Variants in ZFYVE9 observed in about 807,000 individuals in gnomAD.
ZFYVE9 encodes zinc finger FYVE domain-containing protein 9.
In ZFYVE9, 43 loss-of-function variants were observed where a neutral mutation model predicts 126.7. The observed-to-expected ratio is 0.34, with a 90% CI of 0.27 to 0.44. The LOEUF is 0.44. Among genes scored for constraint, ZFYVE9 ranks in the 20% least tolerant of loss-of-function variants. The probability of loss-of-function intolerance (pLI) is 1.00; values close to 1 mark genes in which losing one functional copy is unlikely to be tolerated. For missense variants in ZFYVE9, 1,476 were observed against 1,697.0 expected, an observed-to-expected ratio of 0.87 and a Z score of 2.29; for synonymous variants, 521 against 597.4, an observed-to-expected ratio of 0.87 and a Z score of 1.87.
chr1:52,281,318 A>G (rs1293292701), intron 9 of ZFYVE9, among the ~76,000 whole-genome samples: 2 of 151,918 alleles, frequency 1.3e-5, no homozygotes, highest in South Asian at 2.1e-4. Flanking sequence ...TATTTTTAGT[A>G]GAGACGGGGT....
At chr1:52,176,943 C>T (rs1264511458) in intron 1 of ZFYVE9, among the ~76,000 whole-genome samples, 1 of 152,186 alleles carries the variant, frequency 6.6e-6, no homozygotes, top group Non-Finnish European at 1.5e-5. Context: ...CCTTGCGCTT[C>T]CCGAGTGAGG....
intron 1 of ZFYVE9, among the ~76,000 whole-genome samples, chr1:52,214,094 G>A (rs1263956821): frequency 2.0e-5 from 3 of 152,148 alleles, no homozygotes; most frequent in Non-Finnish European, 4.4e-5. Context: ...ATCAGGAGGG[G>A]ATGAGGTGCA....
chr1:52,302,384 A>G (rs981323597), intron 12 of ZFYVE9, among the ~76,000 whole-genome samples: 1 of 152,226 alleles, frequency 6.6e-6, no homozygotes, highest in Non-Finnish European at 1.5e-5. Context: ...ATTTAGAATC[A>G]TCTTTAACTT....
chr1:52,265,704 C>T (rs762412361), intron 5 of ZFYVE9, among the ~76,000 whole-genome samples: 2 of 152,094 alleles, frequency 1.3e-5, no homozygotes, highest in African/African-American at 2.4e-5. Flanking sequence ...ATGGTTGTTA[C>T]TGATGGATAG....
intron 2 of ZFYVE9, among the ~76,000 whole-genome samples, chr1:52,221,205 C>T (rs151333320): frequency 7.9e-5 from 12 of 152,296 alleles, no homozygotes; most frequent in African/African-American, 2.2e-4. Context: ...CTGACTCTAC[C>T]TCTGTGAGGA....
In ZFYVE9 at chr1:52,239,332, A is replaced by G. The variant is rs11809887; in HGVS notation, c.1915A>G (p.Ile639Val). ...TGTATGCAGTCCATCTTTGGGAAACATCTCTAATGTCGATACAAATGGGGA... is the reference window on the plus strand; with the variant it reads ...TGTATGCAGTCCATCTTTGGGAAACGTCTCTAATGTCGATACAAATGGGGA... ...TNVCSPSLGN[I>V]SNVDTNGEHL... is the part of the protein sequence containing the mutation. The change falls in exon 4 of 19, where the codon ATC (isoleucine) becomes GTC (valine). Residue 639 changes from isoleucine to valine, a missense_variant. Around this residue, in one of 2 missense-constraint regions of ZFYVE9, gnomAD observed 807 missense variants for 794.6 expected, o/e 1.02. Coordinates refer to ENST00000287727, the MANE Select transcript of ZFYVE9 (RefSeq NM_004799.4). 7.9e-4 allele frequency: 1,274 copies of G among 1,614,228 alleles called. 11 individuals carry two copies. The African/African-American group carries it at 0.014, about 18-fold the overall frequency.
Position 52,255,965 on chromosome 1 carries a change from T to TCC in ZFYVE9, c.2179-7808_2179-7807insCC, listed in dbSNP as rs1463117983. ...TTTCTTTTCTTTTCTTTTCTTTTCT[T>TCC]TTCTTTCTTTCTTTCTTTCCTTCCT... On this transcript the variant is annotated intron_variant, in intron 4 of 18. Transcript: ENST00000287727. 4.4e-3 allele frequency among the ~76,000 whole-genome samples: 250 copies of TCC among 56,744 alleles called. 4 individuals carry two copies. The highest frequency in any genetic ancestry group is 0.032 in the Middle Eastern group (4 of 126). The allele number at this position is 56,744 out of a possible 152,430, so 37.2% of individuals were successfully genotyped here.
chr1:52,192,806 AAT>A (rs1644827981), intron 1 of ZFYVE9, among the ~76,000 whole-genome samples: 1 of 152,196 alleles, frequency 6.6e-6, no homozygotes, highest in African/African-American at 2.4e-5. Context: ...AAAAAGTAAA[AAT>A]ATATGTTCAG....
intron 1 of ZFYVE9, among the ~76,000 whole-genome samples, chr1:52,156,453 C>T (rs1465871378): frequency 6.6e-6 from 1 of 152,156 alleles, no homozygotes; most frequent in African/African-American, 2.4e-5. Flanking sequence ...ACCTCTGCCC[C>T]CTACACAATT....
intron 7 of ZFYVE9, among the ~76,000 whole-genome samples, chr1:52,273,504 T>C (rs1185654885): frequency 6.6e-6 from 1 of 152,120 alleles, no homozygotes; most frequent in Middle Eastern, 3.2e-3. Flanking sequence ...TCATTAAATA[T>C]AGCTAATGTG....
intron 11 of ZFYVE9, among the ~76,000 whole-genome samples, chr1:52,294,598 T>C (rs1324224390): frequency 6.6e-6 from 1 of 152,156 alleles, no homozygotes; most frequent in Admixed American, 6.5e-5. Context: ...ATGATTGTAG[T>C]GGTATCTTGT....
chr1:52,320,244 A>G (rs1181497196), intron 13 of ZFYVE9, among the ~76,000 whole-genome samples: 1 of 151,552 alleles, frequency 6.6e-6, no homozygotes, highest in African/African-American at 2.4e-5. Flanking sequence ...CTAATTTTGT[A>G]TTTTTAGTAG....
chr1:52,181,963 ACCGCCAGGCCAGCCG>A (rs1354132700), intron 1 of ZFYVE9, among the ~76,000 whole-genome samples: 2 of 148,592 alleles, frequency 1.3e-5, no homozygotes, highest in Non-Finnish European at 3.0e-5. Flanking sequence ...GGGGTCAGCC[ACCGCCAGGCCAGCCG>A]CCCCGTCCCG....
intron 1 of ZFYVE9, among the ~76,000 whole-genome samples, chr1:52,206,576 C>T (rs370869361): frequency 3.0e-4 from 45 of 152,198 alleles, no homozygotes; most frequent in East Asian, 9.7e-4. Flanking sequence ...GAGACAGTCT[C>T]GTGGTGTCAC....
chr1:52,183,765 C>T lies in ZFYVE9; in HGVS notation c.-142-32604C>T, dbSNP rs1421334733. ...AGGCAATCCACCCGCCTCGGCCTCC[C>T]GAAGTGCTAGGATTACTGGCGTGAG... On this transcript the variant is annotated intron_variant, in intron 1 of 18. Coordinates refer to ENST00000287727, the MANE Select transcript of ZFYVE9 (RefSeq NM_004799.4). Among the ~76,000 whole-genome samples, 9 of 152,186 alleles carry T rather than the reference C, an allele frequency of 5.9e-5. No individual in the cohort carries two copies. In the South Asian group the frequency reaches 1.4e-3, roughly 24 times the overall value.
chr1:52,178,371 GC>G (rs1003714228), intron 1 of ZFYVE9, among the ~76,000 whole-genome samples: 44 of 136,792 alleles, frequency 3.2e-4, no homozygotes, highest in Non-Finnish European at 5.5e-4. Context: ...TCGCACTATC[GC>G]CCAGGCAGGA....
At chr1:52,196,371 C>T (rs1003857017) in intron 1 of ZFYVE9, among the ~76,000 whole-genome samples, 1 of 152,164 alleles carries the variant, frequency 6.6e-6, no homozygotes, top group Admixed American at 6.5e-5. Context: ...TGGCCGGGCT[C>T]ACGCCTGTAA....
At chr1:52,219,222 A>G (rs1645100177) in intron 2 of ZFYVE9, among the ~76,000 whole-genome samples, 3 of 152,158 alleles carry the variant, frequency 2.0e-5, no homozygotes. Context: ...AGGTTTCCAC[A>G]GGGTATGACA....
intron 13 of ZFYVE9, among the ~76,000 whole-genome samples, chr1:52,315,630 C>T (rs1218575661): frequency 6.6e-6 from 1 of 151,498 alleles, no homozygotes; most frequent in African/African-American, 2.4e-5. Flanking sequence ...CTAAAAAAAT[C>T]AAAATGGGTA....
Sources: gnomAD v4.1 joint callset for allele counts (sites outside exome capture counted in the v4.1 genomes callset) on GRCh38, gnomAD v4.1.1 for gene constraint, gnomAD v4.1.1 regional missense constraint, MANE v1.5 for transcripts, NCBI Gene and HGNC (gene_info 2026-07-23, HGNC 2026-07-21) for gene names.